Variants in CREBRF observed in about 807,000 individuals in gnomAD.
The protein encoded by CREBRF is CREB3 regulatory factor, also known as UPF0474 protein C5orf41.
Under a neutral mutation model 66.1 loss-of-function variants are expected in CREBRF, and 5 were observed. The ratio of observed to expected loss-of-function variants is 0.08; its 90% confidence interval spans 0.04 to 0.16. The LOEUF (loss-of-function observed/expected upper bound fraction) is 0.16, where lower values mean the gene tolerates loss of function less well. CREBRF is among the 10% of genes least tolerant of loss of function. The pLI is 1.00. For missense variants in CREBRF, 531 were observed against 744.9 expected, an observed-to-expected ratio of 0.71 and a Z score of 3.34; for synonymous variants, 229 against 264.4, an observed-to-expected ratio of 0.87 and a Z score of 1.30.
chr5:173,085,413 CTTTT>C, intron 2 of CREBRF: 5 of 725,018 alleles, frequency 6.9e-6, no homozygotes, highest in Non-Finnish European at 6.6e-6. Context: ...CAAATACATT[CTTTT>C]TTTTTTTTTC....
chr5:173,065,820 A>G (rs1040565934), intron 1 of CREBRF, among the ~76,000 whole-genome samples: 1 of 150,856 alleles, frequency 6.6e-6, no homozygotes, highest in African/African-American at 2.4e-5. Context: ...TTTTTTTTGT[A>G]GAGACAGGGT....
chr5:173,133,645 G>A lies in CREBRF; in HGVS notation c.1820G>A (p.Gly607Glu). 1 of 1,609,960 alleles carries A rather than the reference G, an allele frequency of 6.2e-7. No homozygotes were observed. Residue 607 changes from glycine (G) to glutamate (E), a missense_variant, in exon 9 of 9, where the codon GGG (glycine) becomes GAG (glutamate). Coordinates refer to ENST00000296953, the MANE Select transcript of CREBRF (RefSeq NM_153607.3). Reference protein sequence around the residue: ...IKDTLGLPVAGQTSEFVNQVL... With the variant: ...IKDTLGLPVAEQTSEFVNQVL... The stretch of plus-strand genomic sequence containing the variant: ...TTCTCTTCAGGTCTACCAGTTGCTG[G>A]GCAAACCTCAGAATTTGTTAACCAA...
chr5:173,082,012 T>TTG (rs1561798843), intron 2 of CREBRF, among the ~76,000 whole-genome samples: 1 of 122,074 alleles, frequency 8.2e-6, no homozygotes, highest in South Asian at 3.2e-4. Flanking sequence ...AGTTTTTTTT[T>TTG]TTTTTTTTTT....
intron 1 of CREBRF, among the ~76,000 whole-genome samples, chr5:173,066,939 C>T (rs1293134346): frequency 1.3e-5 from 2 of 150,954 alleles, no homozygotes; most frequent in Non-Finnish European, 2.9e-5. Context: ...CTCAGCCTCA[C>T]GAGTGTCTGG....
At chr5:173,113,212 C>T (rs966217841) in intron 7 of CREBRF, among the ~76,000 whole-genome samples, 5 of 152,142 alleles carry the variant, frequency 3.3e-5, no homozygotes, top group African/African-American at 1.2e-4. Context: ...CCAGGCTGGT[C>T]CCAATTTTGT....
chr5:173,089,632 G>C (rs910578757), intron 3 of CREBRF, among the ~76,000 whole-genome samples: 2 of 149,658 alleles, frequency 1.3e-5, no homozygotes, highest in East Asian at 3.9e-4. Flanking sequence ...GACCAGCCTG[G>C]TCAACATGGT....
chr5:173,062,497 T>A (rs571923924), intron 1 of CREBRF, among the ~76,000 whole-genome samples: 1 of 152,200 alleles, frequency 6.6e-6, no homozygotes. Flanking sequence ...TAAGAAAGTT[T>A]TTAGAGAAGC....
At chr5:173,127,248 C>T (rs1028014347) in intron 8 of CREBRF, among the ~76,000 whole-genome samples, 4 of 150,752 alleles carry the variant, frequency 2.7e-5, no homozygotes, top group Non-Finnish European at 3.0e-5. Flanking sequence ...CTGCAACCTC[C>T]GCCTCCTGGG....
intron 4 of CREBRF, among the ~76,000 whole-genome samples, chr5:173,092,855 A>G (rs1315625854): frequency 2.6e-5 from 4 of 152,244 alleles, no homozygotes; most frequent in Admixed American, 2.6e-4. Flanking sequence ...GTACTTGAAT[A>G]TGGAAGAAAA....
intron 8 of CREBRF, chr5:173,124,278 C>T (rs1759207846): frequency 6.6e-6 from 1 of 152,110 alleles, no homozygotes; most frequent in Non-Finnish European, 1.5e-5. Flanking sequence ...CTAATACTGG[C>T]TGGGCTTGGT....
rs1307651550 is a variant in CREBRF at position 173,138,453 on chromosome 5, T to C, written c.*4708T>C. On this transcript the variant is annotated 3_prime_UTR_variant, in exon 9 of 9. Coordinates refer to ENST00000296953, the MANE Select transcript of CREBRF (RefSeq NM_153607.3). The stretch of plus-strand genomic sequence containing the variant: ...CACCTAGGAACTGAGCTAGGCCAAA[T>C]TGCCATTTTTGTTTAGAGAGTTTTG... The C allele has an allele frequency of 6.6e-6, 1 of 152,114 alleles. No individual in the cohort carries two copies. Among genetic ancestry groups the C allele is most frequent in the African/African-American group, 2.4e-5 (1 of 41,436 alleles). The allele number at this position is 152,114 out of a possible 1,614,324, so 9.4% of individuals were successfully genotyped here.
intron 1 of CREBRF, among the ~76,000 whole-genome samples, chr5:173,069,593 A>G (rs966414397): frequency 2.6e-5 from 4 of 152,118 alleles, no homozygotes; most frequent in African/African-American, 9.6e-5. Flanking sequence ...AAGTGCAGGG[A>G]TTACAGGCGT....
rs956841960 is a variant in CREBRF, at chr5:173,069,012, C to T, written c.-191-11573C>T. The stretch of plus-strand genomic sequence containing the variant: ...GCTTGAACCTGGGAGGTGGAGGTTG[C>T]AGTGAGCTGAGATCACGCCACTGCA... On this transcript the variant is annotated intron_variant, in intron 1 of 8. Transcript: ENST00000296953. Among the ~76,000 whole-genome samples, 21 of 151,588 alleles carry T rather than the reference C, an allele frequency of 1.4e-4. No individual in the cohort carries two copies. In the East Asian group the frequency reaches 3.7e-3, roughly 27 times the overall value.
At chr5:173,068,257 G>C in intron 1 of CREBRF, 1 of 318,250 alleles carries the variant, frequency 3.1e-6, no homozygotes, top group Admixed American at 4.2e-5. Context: ...CTCCTTCTCT[G>C]ATAGCTGCTG....
chr5:173,070,269 G>A (rs1757558741), intron 1 of CREBRF, among the ~76,000 whole-genome samples: 1 of 152,192 alleles, frequency 6.6e-6, no homozygotes, highest in African/African-American at 2.4e-5. Flanking sequence ...TGTGAAGAAT[G>A]TGTGGTGTCA....
intron 7 of CREBRF, among the ~76,000 whole-genome samples, chr5:173,116,511 C>G (rs1257629693): frequency 6.6e-6 from 1 of 152,186 alleles, no homozygotes; most frequent in African/African-American, 2.4e-5. Flanking sequence ...GCTACTTTCA[C>G]TCAGCATAAT....
chr5:173,078,563 CTTTT>C (rs746897808), intron 1 of CREBRF, among the ~76,000 whole-genome samples: 1 of 142,616 alleles, frequency 7.0e-6, no homozygotes, highest in African/African-American at 2.6e-5. Flanking sequence ...TTTTCTTTTT[CTTTT>C]TTTTTTTTTG....
At chr5:173,129,243 A>T (rs1051555400) in intron 8 of CREBRF, among the ~76,000 whole-genome samples, 3 of 146,806 alleles carry the variant, frequency 2.0e-5, no homozygotes, top group African/African-American at 7.7e-5. Context: ...CAGCCTCCCG[A>T]GTAGCTGGGA....
At chr5:173,086,738 A>G in intron 3 of CREBRF, 112 bp downstream of exon 3, 1 of 787,962 alleles carries the variant, frequency 1.3e-6, no homozygotes, top group Non-Finnish European at 1.9e-6. Context: ...GCCAAGTTTG[A>G]TTCTTATGAT....
Sources: allele counts gnomAD v4.1 joint callset (sites outside exome capture counted in the v4.1 genomes callset), GRCh38; gene constraint gnomAD v4.1.1; transcripts MANE v1.5; gene names NCBI Gene and HGNC (gene_info 2026-07-23, HGNC 2026-07-21).